CACNG5: variants seen among roughly 807,000 people sequenced by gnomAD.
CACNG5 encodes the protein voltage-dependent calcium channel gamma-5 subunit.
A neutral mutation model predicts 24.8 loss-of-function variants in CACNG5; 18 were observed. The observed-to-expected ratio is 0.73, with a 90% confidence interval of 0.50 to 1.08. The LOEUF (loss-of-function observed/expected upper bound fraction) is 1.08. CACNG5 is among the 50% of genes least tolerant of loss of function. The probability of loss-of-function intolerance (pLI) is 0.00; values close to 1 mark genes in which losing one functional copy is unlikely to be tolerated. For synonymous variants in CACNG5, 157 were observed against 149.1 expected (o/e 1.05, Z -0.39); for missense variants, 349 against 367.9 (o/e 0.95, Z 0.42).
intron 4 of CACNG5, among the ~76,000 whole-genome samples, chr17:66,883,449 G>A (rs1977193879): frequency 1.3e-5 from 2 of 152,178 alleles, no homozygotes; most frequent in South Asian, 4.1e-4. Context: ...CCTTCCAGAT[G>A]CCCTACTTTC....
intron 1 of CACNG5, among the ~76,000 whole-genome samples, chr17:66,870,890 G>A (rs1410774182): frequency 6.6e-6 from 1 of 151,994 alleles, no homozygotes; most frequent in Non-Finnish European, 1.5e-5. Flanking sequence ...TGAGGCAGGA[G>A]AATTGCTTGA....
intron 1 of CACNG5, among the ~76,000 whole-genome samples, chr17:66,867,300 T>C (rs1976942826): frequency 1.3e-5 from 2 of 152,176 alleles, no homozygotes; most frequent in African/African-American, 4.8e-5. Flanking sequence ...GTCCTTTGCC[T>C]ACCTTTTTAT....
chr17:66,892,222 G>A lies in CACNG5; in HGVS notation c.*6982G>A, dbSNP rs963495756. Among the ~76,000 whole-genome samples the A allele has an allele frequency of 6.6e-6, 1 of 152,222 alleles. No homozygotes were observed. Among genetic ancestry groups the A allele is most frequent in the Non-Finnish European group, 1.5e-5 (1 of 68,040 alleles). On this transcript the variant is annotated 3_prime_UTR_variant, in exon 6 of 6. Transcript: ENST00000533854. The stretch of plus-strand genomic sequence containing the variant: ...AGCCTGCACCAGCCCCACCTCCTCC[G>A]ACAAGGCTGTGCCTGGGGCAAGACG...
Position 66,877,496 on chromosome 17 carries a change from A to C in CACNG5, c.164A>C (p.His55Pro). The change falls in exon 2 of 6, where the codon CAC becomes CCC. Residue 55 changes from histidine to proline, a missense_variant. His to Pro is a moderately conservative substitution (Grantham distance 77, BLOSUM62 -2). Transcript: ENST00000533854. ...AGCACCGAGATCAAGATGTCCCTGC[A>C]CTCAGGCCTCTGGCGGGTCTGCTTC... ...NQSTEIKMSL[H>P]SGLWRVCFLA... is the part of the protein sequence containing the mutation. 1 of 1,613,678 alleles carries C rather than the reference A, an allele frequency of 6.2e-7. No individual in the cohort carries two copies.
chr17:66,885,183 C>T lies in CACNG5; in HGVS notation c.771C>T (p.Asn257=), dbSNP rs1028940279. The T allele has an allele frequency of 3.7e-5, 60 of 1,609,884 alleles. No individual in the cohort carries two copies. Among genetic ancestry groups the T allele is most frequent in the Non-Finnish European group, 4.8e-5 (57 of 1,179,610 alleles). Reference sequence around the variant, plus strand: ...AGGCCTCCCTGCAGATGAACAGCAACTACCCCGCCTTGCTCAAGTGCCCCG... The same window carrying T: ...AGGCCTCCCTGCAGATGAACAGCAATTACCCCGCCTTGCTCAAGTGCCCCG... ...SSEASLQMNS[N]YPALLKCPDY... The change falls in exon 6 of 6, where the codon AAC becomes AAT. Residue 257 remains asparagine, a synonymous_variant. Coordinates refer to ENST00000533854, the MANE Select transcript of CACNG5 (RefSeq NM_145811.3).
intron 1 of CACNG5, among the ~76,000 whole-genome samples, chr17:66,864,074 A>T (rs929662610): frequency 9.9e-5 from 15 of 152,256 alleles, no homozygotes; most frequent in African/African-American, 3.1e-4. Flanking sequence ...CCAAGGTAGG[A>T]TTCACTTTTG....
At chr17:66,840,489 C>A (rs887735812) in intron 1 of CACNG5, among the ~76,000 whole-genome samples, 4 of 152,152 alleles carry the variant, frequency 2.6e-5, no homozygotes, top group African/African-American at 9.7e-5. Flanking sequence ...TGAGCAGGGG[C>A]AGCCAGCACA....
chr17:66,875,719 G>A (rs1413735399), intron 1 of CACNG5, among the ~76,000 whole-genome samples: 3 of 152,202 alleles, frequency 2.0e-5, no homozygotes, highest in Admixed American at 1.3e-4. Context: ...GGACTGCACC[G>A]AAGCACTGCT....
In CACNG5 at chr17:66,888,826, C is replaced by T. The variant is rs1019516590; in HGVS notation, c.*3586C>T. On this transcript the variant is annotated 3_prime_UTR_variant, in exon 6 of 6. Coordinates refer to ENST00000533854, the MANE Select transcript of CACNG5 (RefSeq NM_145811.3). ...TCTCTGGTTGGAGGGAAGGTTATCTCGGGGCTGGCATGTCTCTGGTTGGGG... is the reference window on the plus strand; with the variant it reads ...TCTCTGGTTGGAGGGAAGGTTATCTTGGGGCTGGCATGTCTCTGGTTGGGG... 3.9e-5 allele frequency among the ~76,000 whole-genome samples: 6 copies of T among 151,952 alleles called. No homozygotes were observed. Among genetic ancestry groups the T allele is most frequent in the African/African-American group, 1.5e-4 (6 of 41,372 alleles).
chr17:66,890,531 C>A lies in CACNG5; in HGVS notation c.*5291C>A, dbSNP rs1042074009. Among the ~76,000 whole-genome samples, 1 of 152,202 alleles carries A rather than the reference C, an allele frequency of 6.6e-6. No homozygotes were observed. The highest frequency in any genetic ancestry group is 1.5e-5 in the Non-Finnish European group (1 of 68,032). On this transcript the variant is annotated 3_prime_UTR_variant, in exon 6 of 6. Transcript: ENST00000533854. ...CTCTGTGACCTTGGACATATCACAT[C>A]CTTCTGGGCCTGCCTCCACCTTCTG...
intron 1 of CACNG5, among the ~76,000 whole-genome samples, chr17:66,873,991 G>A (rs1292066442): frequency 6.7e-6 from 1 of 149,520 alleles, no homozygotes; most frequent in African/African-American, 2.5e-5. Context: ...ATATTCCATG[G>A]AATTATTGCT....
At position 66,877,492 on chromosome 17, in the gene CACNG5, C is replaced by T. The variant is rs780336605; in HGVS notation, c.160C>T (p.Leu54=). 4 of 1,613,906 alleles carry T rather than the reference C, an allele frequency of 2.5e-6. No individual in the cohort carries two copies. Among genetic ancestry groups the T allele is most frequent in the East Asian group, 2.2e-5 (1 of 44,884 alleles). The change falls in exon 2 of 6, where the codon CTG becomes TTG. Residue 54 remains leucine, a synonymous_variant. Coordinates refer to ENST00000533854, the MANE Select transcript of CACNG5 (RefSeq NM_145811.3). ...QNQSTEIKMS[L]HSGLWRVCFL... is the part of the protein sequence containing the mutation. Reference sequence around the variant, plus strand: ...CCAGAGCACCGAGATCAAGATGTCCCTGCACTCAGGCCTCTGGCGGGTCTG... The same window carrying T: ...CCAGAGCACCGAGATCAAGATGTCCTTGCACTCAGGCCTCTGGCGGGTCTG...
rs765061299 is a variant in CACNG5 at position 66,887,882 on chromosome 17, C to T, written c.*2642C>T. ...TGTGTCAATAATCACATCACCATCACAATTTCCTTTCTGTCTATAAATTCA... is the reference window on the plus strand; with the variant it reads ...TGTGTCAATAATCACATCACCATCATAATTTCCTTTCTGTCTATAAATTCA... On this transcript the variant is annotated 3_prime_UTR_variant, in exon 6 of 6. Transcript: ENST00000533854. Among the ~76,000 whole-genome samples, 8 of 152,198 alleles carry T rather than the reference C, an allele frequency of 5.3e-5. No homozygotes were observed. The highest frequency in any genetic ancestry group is 1.0e-4 in the Non-Finnish European group (7 of 68,036).
chr17:66,858,116 G>A (rs769048967), intron 1 of CACNG5, among the ~76,000 whole-genome samples: 2 of 152,128 alleles, frequency 1.3e-5, no homozygotes, highest in African/African-American at 2.4e-5. Flanking sequence ...GCTTCTGGGA[G>A]GTTCTGGGCT....
In CACNG5 at chr17:66,885,190, G is replaced by A. The variant is rs375809079; in HGVS notation, c.778G>A (p.Ala260Thr). ...CCTGCAGATGAACAGCAACTACCCC[G>A]CCTTGCTCAAGTGCCCCGACTATGA... is the stretch of plus-strand genomic sequence containing the variant. ...ASLQMNSNYP[A>T]LLKCPDYDQM... is the part of the protein sequence containing the mutation. Residue 260 changes from alanine (A) to threonine (T), a missense_variant, in exon 6 of 6, where the codon GCC (alanine) becomes ACC (threonine). By Grantham distance (58) the Ala-to-Thr change is moderately conservative (BLOSUM62 0). Coordinates refer to ENST00000533854, the MANE Select transcript of CACNG5 (RefSeq NM_145811.3). The A allele has an allele frequency of 6.9e-5, 111 of 1,608,036 alleles. No homozygotes were observed. Among genetic ancestry groups the A allele is most frequent in the Non-Finnish European group, 8.7e-5 (103 of 1,179,388 alleles).
At chr17:66,852,740 A>G (rs1314698160) in intron 1 of CACNG5, among the ~76,000 whole-genome samples, 1 of 151,814 alleles carries the variant, frequency 6.6e-6, no homozygotes, top group African/African-American at 2.4e-5. Flanking sequence ...TTCTCTTCCT[A>G]TAGTTTTGGC....
At chr17:66,863,954 A>G (rs1021645371) in intron 1 of CACNG5, among the ~76,000 whole-genome samples, 4 of 152,308 alleles carry the variant, frequency 2.6e-5, no homozygotes, top group Middle Eastern at 3.4e-3. Context: ...TCTGGCATTC[A>G]TCATTCCTGT....
chr17:66,893,315 G>T lies in CACNG5; in HGVS notation c.*8075G>T, dbSNP rs2143151223. On this transcript the variant is annotated 3_prime_UTR_variant, in exon 6 of 6. Coordinates refer to ENST00000533854, the MANE Select transcript of CACNG5 (RefSeq NM_145811.3). ...AGGAAAGGTCTAAATGCAAACAACG[G>T]TGATGTGTCGTTTCCTGAAAGCCTC... is the stretch of plus-strand genomic sequence containing the variant. Among the ~76,000 whole-genome samples the T allele has an allele frequency of 6.6e-6, 1 of 152,232 alleles. No individual in the cohort carries two copies. Among genetic ancestry groups the T allele is most frequent in the African/African-American group, 2.4e-5 (1 of 41,526 alleles).
chr17:66,880,768 G>T (rs1450849771), intron 4 of CACNG5, 71 bp downstream of exon 4: 1 of 1,562,802 alleles, frequency 6.4e-7, no homozygotes, highest in Non-Finnish European at 8.7e-7. Flanking sequence ...TTGAGACAGA[G>T]TCTTGCTCTG....
Sources: allele counts gnomAD v4.1 joint callset (sites outside exome capture counted in the v4.1 genomes callset), GRCh38; gene constraint gnomAD v4.1.1; transcripts MANE v1.5; gene names NCBI Gene and HGNC (gene_info 2026-07-23, HGNC 2026-07-21).